Variants in RAD51B observed in about 807,000 individuals in gnomAD.
The protein encoded by RAD51B is RAD51 paralog B.
A neutral mutation model predicts 42.2 loss-of-function variants in RAD51B; 38 were observed. The observed-to-expected ratio is 0.90, with a 90% CI of 0.70 to 1.18. The LOEUF (loss-of-function observed/expected upper bound fraction) is 1.18. Among genes scored for constraint, RAD51B ranks in the 50% most tolerant of loss-of-function variants. The pLI is 0.00. For missense variants in RAD51B, 373 were observed against 400.7 expected (o/e 0.93, Z 0.59); for synonymous variants, 154 against 145.2 (o/e 1.06, Z -0.43).
intron 4 of RAD51B, among the ~76,000 whole-genome samples, chr14:67,860,215 T>G (rs1471291064): frequency 6.6e-6 from 1 of 152,198 alleles, no homozygotes; most frequent in Non-Finnish European, 1.5e-5. Context: ...TTATTTAATG[T>G]GAGAGGATGC....
chr14:68,219,751 A>G (rs887960212), intron 7 of RAD51B, among the ~76,000 whole-genome samples: 1 of 152,198 alleles, frequency 6.6e-6, no homozygotes, highest in African/African-American at 2.4e-5. Context: ...TAGAAAAACA[A>G]TTCTGGTAAT....
At chr14:67,930,404 CT>C (rs1176065614) in intron 7 of RAD51B, among the ~76,000 whole-genome samples, 9 of 151,914 alleles carry the variant, frequency 5.9e-5, no homozygotes, top group South Asian at 2.1e-4. Flanking sequence ...TGAATTTCAT[CT>C]GCTTTTGCTT....
chr14:67,946,356 T>TTTG lies in RAD51B; in HGVS notation c.756+59173_756+59175dup, dbSNP rs573559598. ...TCCCTGGTTAAAATAGTTCCTCTTT[T>TTTG]TTGTTGTTGTTGTTGTTGTTGTTTT... On this transcript the variant is annotated intron_variant, in intron 7 of 10. Coordinates refer to ENST00000471583, the MANE Select transcript of RAD51B (RefSeq NM_133510.4). 1.7e-3 allele frequency among the ~76,000 whole-genome samples: 258 copies of TTTG among 151,836 alleles called. 1 individual carries two copies. Among genetic ancestry groups the TTTG allele is most frequent in the African/African-American group, 5.7e-3 (236 of 41,282 alleles).
intron 2 of RAD51B, 49 bp downstream of exon 2, chr14:67,823,676 C>A: frequency 7.2e-7 from 1 of 1,386,992 alleles, no homozygotes; most frequent in Non-Finnish European, 1.0e-6. Context: ...CACAAGTTAA[C>A]TTTATACCTT....
intron 10 of RAD51B, among the ~76,000 whole-genome samples, chr14:68,602,613 A>G (rs910214320): frequency 6.6e-6 from 1 of 152,188 alleles, no homozygotes; most frequent in African/African-American, 2.4e-5. Context: ...GGTTTATGCA[A>G]TTGTGGAGGC....
At chr14:68,186,195 C>T (rs2079154688) in intron 7 of RAD51B, among the ~76,000 whole-genome samples, 1 of 152,130 alleles carries the variant, frequency 6.6e-6, no homozygotes. Flanking sequence ...TACCTTTCAC[C>T]ATATGCAAAA....
chr14:67,929,411 T>C (rs2044645421), intron 7 of RAD51B, among the ~76,000 whole-genome samples: 1 of 152,206 alleles, frequency 6.6e-6, no homozygotes, highest in South Asian at 2.1e-4. Context: ...AGAGTTCCTC[T>C]TGGCATTGAT....
At chr14:68,227,198 T>G (rs974928206) in intron 7 of RAD51B, among the ~76,000 whole-genome samples, 50 of 152,226 alleles carry the variant, frequency 3.3e-4, no homozygotes, top group African/African-American at 1.1e-3. Flanking sequence ...TGGCTTTGCC[T>G]AAGAAGGCAG....
chr14:68,272,196 T>C lies in RAD51B; in HGVS notation c.757-19688T>C, dbSNP rs186494526. On this transcript the variant is annotated intron_variant, in intron 7 of 10. Transcript: ENST00000471583. ...GGTTTGGAGCTAATGGAATTGGCTG[T>C]AGTGGCTGTACTTAGGGGAGATTAT... is the stretch of plus-strand genomic sequence containing the variant. Among the ~76,000 whole-genome samples the C allele has an allele frequency of 2.7e-4, 41 of 152,306 alleles. 1 individual carries two copies. In the East Asian group the frequency reaches 7.9e-3, roughly 29 times the overall value.
intron 4 of RAD51B, among the ~76,000 whole-genome samples, chr14:67,856,354 G>A (rs2042000016): frequency 6.6e-6 from 1 of 151,798 alleles, no homozygotes; most frequent in Non-Finnish European, 1.5e-5. Flanking sequence ...GCCTTTCTGA[G>A]ATTCTTTTTT....
intron 3 of RAD51B, among the ~76,000 whole-genome samples, chr14:67,827,823 T>C (rs1206769529): frequency 6.6e-6 from 1 of 152,216 alleles, no homozygotes; most frequent in East Asian, 1.9e-4. Context: ...ATAATCTCAT[T>C]CCTTTTTATG....
rs2041187693 is a variant in RAD51B, at chr14:67,835,104, T to C, written c.223T>C (p.Ser75Pro). 2 of 1,613,174 alleles carry C rather than the reference T, an allele frequency of 1.2e-6. No homozygotes were observed. Among genetic ancestry groups the C allele is most frequent in the African/African-American group, 2.7e-5 (2 of 74,896 alleles). ...GGCTTATGGGATAAAAGCACAAAGG[T>C]CTGCTGATTTCTCACCAGCATTCTT... ...QTAYGIKAQR[S>P]ADFSPAFLST... is the part of the protein sequence containing the mutation. The change falls in exon 4 of 11, where the codon TCT becomes CCT. Residue 75 changes from serine (S) to proline (P), a missense_variant. By Grantham distance (74) the Ser-to-Pro change is moderately conservative (BLOSUM62 -1). Transcript: ENST00000471583.
intron 7 of RAD51B, among the ~76,000 whole-genome samples, chr14:68,251,288 G>A (rs1426908254): frequency 6.6e-6 from 1 of 151,962 alleles, no homozygotes; most frequent in African/African-American, 2.4e-5. Flanking sequence ...ATTTACCATT[G>A]TGCTCCTCCC....
chr14:68,644,788 T>C (rs1274389684), intron 10 of RAD51B, among the ~76,000 whole-genome samples: 1 of 152,104 alleles, frequency 6.6e-6, no homozygotes, highest in South Asian at 2.1e-4. Flanking sequence ...CACAAAAGTC[T>C]TATACACTCA....
At chr14:68,522,012 GT>G (rs1319673983) in intron 10 of RAD51B, among the ~76,000 whole-genome samples, 4 of 152,212 alleles carry the variant, frequency 2.6e-5, no homozygotes, top group Non-Finnish European at 5.9e-5. Context: ...GGGTGAGGCT[GT>G]GGCTGGATGA....
chr14:68,379,108 A>C (rs1202818804), intron 8 of RAD51B, among the ~76,000 whole-genome samples: 5 of 152,226 alleles, frequency 3.3e-5, no homozygotes, highest in Admixed American at 3.3e-4. Context: ...ATTCAAGGAT[A>C]AACTGATATT....
intron 7 of RAD51B, among the ~76,000 whole-genome samples, chr14:68,237,387 G>C (rs2080282168): frequency 6.6e-6 from 1 of 152,138 alleles, no homozygotes; most frequent in Non-Finnish European, 1.5e-5. Context: ...CTAGAACTTA[G>C]GAGCCTTAGT....
intron 10 of RAD51B, among the ~76,000 whole-genome samples, chr14:68,648,679 A>T (rs1212887863): frequency 1.6e-4 from 4 of 25,632 alleles, no homozygotes; most frequent in Admixed American, 4.6e-4. Context: ...ACACAAACAC[A>T]CACACACACA....
chr14:68,681,357 G>C (rs1893425966), intron 11 of RAD51B, among the ~76,000 whole-genome samples: 1 of 152,158 alleles, frequency 6.6e-6, no homozygotes, highest in Non-Finnish European at 1.5e-5. Flanking sequence ...AATGACAAAT[G>C]AACAAGATGT....
Sources: allele counts gnomAD v4.1 joint callset (sites outside exome capture counted in the v4.1 genomes callset), GRCh38; gene constraint gnomAD v4.1.1; transcripts MANE v1.5; gene names NCBI Gene and HGNC (gene_info 2026-07-23, HGNC 2026-07-21).